The following SDK1 variants were observed in gnomAD, a reference collection of about 807,000 sequenced individuals.
SDK1 encodes protein sidekick-1.
A neutral mutation model predicts 245.5 loss-of-function variants in SDK1; 157 were observed. The observed-to-expected ratio is 0.64, with a 90% CI of 0.56 to 0.73. The LOEUF is 0.73. Ranked by LOEUF, SDK1 falls within the 30% of genes least tolerant of loss-of-function variation. The probability of loss-of-function intolerance (pLI) is 0.00; values close to 1 mark genes in which losing one functional copy is unlikely to be tolerated. For synonymous variants in SDK1, 1,647 were observed against 1,278.5 expected (o/e 1.29, Z -6.15); for missense variants, 3,583 against 3,002.3 (o/e 1.19, Z -4.52).
chr7:3,809,439 G>A (rs925909749), intron 4 of SDK1, among the ~76,000 whole-genome samples: 4 of 152,182 alleles, frequency 2.6e-5, no homozygotes, highest in Admixed American at 6.5e-5. Context: ...AGCTGTGCTC[G>A]AGGTGCTGTG....
At position 4,012,227 on chromosome 7, in the gene SDK1, C is replaced by T. The variant is rs1786035883; in HGVS notation, c.2412C>T (p.Tyr804=). The change falls in exon 16 of 45, where the codon TAC becomes TAT. Residue 804 remains tyrosine, a synonymous_variant. Coordinates refer to ENST00000404826, the MANE Select transcript of SDK1 (RefSeq NM_152744.4). The part of the protein sequence containing the change: ...ETEHNGVLRG[Y]ILRYRLAGLP... Reference sequence around the variant, plus strand: ...AGCACAACGGGGTGTTGCGTGGATACATCCTCAGGCAAGTGCCCTGTGATT... The same window carrying T: ...AGCACAACGGGGTGTTGCGTGGATATATCCTCAGGCAAGTGCCCTGTGATT... The T allele has an allele frequency of 6.6e-7, 1 of 1,508,688 alleles. No individual in the cohort carries two copies. Among genetic ancestry groups the T allele is most frequent in the Non-Finnish European group, 8.8e-7 (1 of 1,131,054 alleles). The allele number at this position is 1,508,688 out of a possible 1,614,324, so 93.5% of individuals were successfully genotyped here.
At chr7:4,133,239 A>G (rs1490211695) in intron 28 of SDK1, among the ~76,000 whole-genome samples, 1 of 152,228 alleles carries the variant, frequency 6.6e-6, no homozygotes, top group Non-Finnish European at 1.5e-5. Context: ...AACTCTGGTA[A>G]CACAGATGAA....
At chr7:4,007,061 A>G (rs1276040744) in intron 14 of SDK1, among the ~76,000 whole-genome samples, 1 of 152,220 alleles carries the variant, frequency 6.6e-6, no homozygotes, top group Non-Finnish European at 1.5e-5. Flanking sequence ...GAGCAGGTGA[A>G]TGGCTGACTG....
chr7:3,974,278 T>G (rs1316581413), intron 12 of SDK1, 91 bp from the exon 13 acceptor site: 1 of 1,035,124 alleles, frequency 9.7e-7, no homozygotes, highest in Non-Finnish European at 1.4e-6. Flanking sequence ...TTCACAAGAT[T>G]GTTAGTTGCT....
intron 22 of SDK1, among the ~76,000 whole-genome samples, chr7:4,081,221 A>G (rs1264429560): frequency 6.6e-6 from 1 of 152,182 alleles, no homozygotes; most frequent in Non-Finnish European, 1.5e-5. Context: ...GCATCCAGGC[A>G]GGCCTAGGAG....
intron 22 of SDK1, among the ~76,000 whole-genome samples, chr7:4,109,314 ACCAGCATGCCTGCTTACACAGTC>A (rs1783172744): frequency 6.6e-6 from 1 of 152,188 alleles, no homozygotes; most frequent in African/African-American, 2.4e-5. Context: ...GAAGCAAGCC[ACCAGCATGCCTGCTTACACAGTC>A]TCCTCTGCAT....
At chr7:3,734,825 A>C (rs373050642) in intron 4 of SDK1, among the ~76,000 whole-genome samples, 5 of 152,242 alleles carry the variant, frequency 3.3e-5, no homozygotes, top group Non-Finnish European at 7.3e-5. Context: ...TGTTAGGATT[A>C]GCCAGCTTTT....
intron 1 of SDK1, among the ~76,000 whole-genome samples, chr7:3,349,463 A>G (rs1780599067): frequency 6.6e-6 from 1 of 152,172 alleles, no homozygotes; most frequent in South Asian, 2.1e-4. Context: ...GAGTGACTGA[A>G]CACAGTGTCC....
intron 9 of SDK1, among the ~76,000 whole-genome samples, chr7:3,963,876 G>A (rs937377811): frequency 1.3e-5 from 2 of 151,818 alleles, no homozygotes; most frequent in Non-Finnish European, 2.9e-5. Context: ...ACGGCTACCC[G>A]GACATATCCA....
intron 1 of SDK1, among the ~76,000 whole-genome samples, chr7:3,560,202 G>C (rs1036281237): frequency 1.3e-5 from 2 of 152,116 alleles, no homozygotes; most frequent in Non-Finnish European, 2.9e-5. Flanking sequence ...TGTTTATCTT[G>C]AATACCCTAG....
intron 4 of SDK1, among the ~76,000 whole-genome samples, chr7:3,778,537 G>T (rs965194937): frequency 1.3e-5 from 2 of 152,162 alleles, no homozygotes; most frequent in African/African-American, 4.8e-5. Flanking sequence ...CTACAGATCT[G>T]ACCAGGCTGC....
intron 17 of SDK1, among the ~76,000 whole-genome samples, chr7:4,028,065 A>G (rs1419638785): frequency 2.0e-5 from 3 of 152,014 alleles, no homozygotes; most frequent in African/African-American, 7.2e-5. Context: ...ATAAGTAGAA[A>G]AGCAAATTGA....
chr7:3,474,091 G>GTTTTTTT lies in SDK1; in HGVS notation c.299-144964_299-144958dup, dbSNP rs869083123. The stretch of plus-strand genomic sequence containing the variant: ...CAACTTGACATCTCTACCAGATGGT[G>GTTTTTTT]TTTTTTTTTTTTTTTTTTTTTTTTT... On this transcript the variant is annotated intron_variant, in intron 1 of 44. Transcript: ENST00000404826. Among the ~76,000 whole-genome samples, 319 of 43,246 alleles carry GTTTTTTT rather than the reference G, an allele frequency of 7.4e-3. 59 individuals are homozygous for GTTTTTTT. Among genetic ancestry groups the GTTTTTTT allele is most frequent in the African/African-American group, 0.019 (184 of 9,920 alleles). The allele number at this position is 43,246 out of a possible 152,430, so 28.4% of individuals were successfully genotyped here.
intron 1 of SDK1, among the ~76,000 whole-genome samples, chr7:3,526,688 T>A (rs1783145701): frequency 6.6e-6 from 1 of 152,228 alleles, no homozygotes; most frequent in South Asian, 2.1e-4. Context: ...TGTCAAGTTT[T>A]TCTTCATGCC....
At chr7:3,585,638 CAG>C (rs753977274) in intron 1 of SDK1, among the ~76,000 whole-genome samples, 67 of 152,102 alleles carry the variant, frequency 4.4e-4, no homozygotes, top group Non-Finnish European at 6.3e-4. Context: ...TCAGTGGTAA[CAG>C]AGAACAGAGG....
At chr7:3,755,754 G>T (rs1215173179) in intron 4 of SDK1, among the ~76,000 whole-genome samples, 1 of 152,126 alleles carries the variant, frequency 6.6e-6, no homozygotes, top group Non-Finnish European at 1.5e-5. Context: ...CACATAAATG[G>T]CTACATGCAG....
At chr7:3,648,660 A>C (rs140719466) in intron 4 of SDK1, among the ~76,000 whole-genome samples, 231 of 152,350 alleles carry the variant, frequency 1.5e-3, no homozygotes, top group Middle Eastern at 6.8e-3. Flanking sequence ...TGCTCGAATG[A>C]AGTAGATCTG....
At chr7:3,820,001 G>A (rs1164776301) in intron 4 of SDK1, among the ~76,000 whole-genome samples, 2 of 152,000 alleles carry the variant, frequency 1.3e-5, no homozygotes, top group Admixed American at 1.3e-4. Context: ...CCACAATTGT[G>A]GTGGGTAACA....
intron 13 of SDK1, among the ~76,000 whole-genome samples, chr7:3,984,432 T>C (rs1202504268): frequency 1.3e-5 from 2 of 152,212 alleles, no homozygotes; most frequent in Non-Finnish European, 2.9e-5. Flanking sequence ...TTTTCACCTC[T>C]GTGAGAAAGA....
Sources: gnomAD v4.1 joint callset for allele counts (sites outside exome capture counted in the v4.1 genomes callset) on GRCh38, gnomAD v4.1.1 for gene constraint, MANE v1.5 for transcripts, NCBI Gene and HGNC (gene_info 2026-07-23, HGNC 2026-07-21) for gene names.